Variants in NCALD observed in about 807,000 individuals in gnomAD.
The protein encoded by NCALD is neurocalcin delta.
NCALD carries 10 observed loss-of-function variants against 18.6 expected under a neutral mutation model. That is an observed-to-expected ratio of 0.54 (90% CI 0.33 to 0.91). NCALD has a LOEUF of 0.91. Among genes scored for constraint, NCALD ranks in the 40% least tolerant of loss-of-function variants. The probability of loss-of-function intolerance (pLI) is 0.03; values close to 1 mark genes in which losing one functional copy is unlikely to be tolerated. For missense variants in NCALD, 184 were observed against 247.6 expected, an observed-to-expected ratio of 0.74 and a Z score of 1.72; for synonymous variants, 88 against 87.4, an observed-to-expected ratio of 1.01 and a Z score of -0.04.
At chr8:101,726,153 C>T (rs1816564845) in intron 1 of NCALD, among the ~76,000 whole-genome samples, 1 of 152,154 alleles carries the variant, frequency 6.6e-6, no homozygotes, top group Non-Finnish European at 1.5e-5. Context: ...ATGACATCAG[C>T]ACCATCATGA....
chr8:101,794,736 A>G (rs976179048), upstream of NCALD, among the ~76,000 whole-genome samples: 2 of 152,208 alleles, frequency 1.3e-5, no homozygotes, highest in Non-Finnish European at 2.9e-5. Flanking sequence ...GAAGAAACTG[A>G]AGAGAGAGAT....
chr8:101,733,893 A>G (rs1816956246), intron 1 of NCALD, among the ~76,000 whole-genome samples: 1 of 152,160 alleles, frequency 6.6e-6, no homozygotes, highest in African/African-American at 2.4e-5. Context: ...CCCATTAGAG[A>G]AGCAGTTGAA....
chr8:101,804,282 T>A (rs1013350444), intron 4 of NCALD, among the ~76,000 whole-genome samples: 26 of 119,996 alleles, frequency 2.2e-4, no homozygotes, highest in Non-Finnish European at 3.6e-4. Context: ...AAATATATAC[T>A]ATTTATAACT....
chr8:101,926,777 T>C (rs1429466810), intron 2 of NCALD, among the ~76,000 whole-genome samples: 1 of 151,908 alleles, frequency 6.6e-6, no homozygotes, highest in Non-Finnish European at 1.5e-5. Context: ...CCAGGTAGGG[T>C]TAGGGTTAGG....
intron 2 of NCALD, among the ~76,000 whole-genome samples, chr8:102,016,320 C>T (rs1822082742): frequency 6.6e-6 from 1 of 152,132 alleles, no homozygotes; most frequent in African/African-American, 2.4e-5. Context: ...AGCCCCACTC[C>T]CAAGGCCCAG....
chr8:101,690,115 C>T (rs754271534), intron 3 of NCALD, among the ~76,000 whole-genome samples: 3 of 151,804 alleles, frequency 2.0e-5, no homozygotes, highest in Non-Finnish European at 2.9e-5. Flanking sequence ...GCTCCCACTC[C>T]GACCCCGGTG....
intron 2 of NCALD, among the ~76,000 whole-genome samples, chr8:102,004,005 CAT>C: frequency 6.6e-6 from 1 of 151,388 alleles, no homozygotes; most frequent in Non-Finnish European, 1.5e-5. Context: ...TCCTATTCAA[CAT>C]AGTGTTGGAA....
At chr8:102,083,502 G>T (rs1441770316) in intron 1 of NCALD, among the ~76,000 whole-genome samples, 1 of 152,136 alleles carries the variant, frequency 6.6e-6, no homozygotes, top group Non-Finnish European at 1.5e-5. Context: ...AGGCTAAAGG[G>T]TTCCTTTATT....
chr8:102,105,481 C>G (rs1414997751), intron 1 of NCALD, among the ~76,000 whole-genome samples: 1 of 152,134 alleles, frequency 6.6e-6, no homozygotes, highest in Non-Finnish European at 1.5e-5. Context: ...GTGAGCTGGA[C>G]TAATAGGAAT....
chr8:101,916,928 T>C (rs1817989178), intron 2 of NCALD, among the ~76,000 whole-genome samples: 1 of 151,890 alleles, frequency 6.6e-6, no homozygotes, highest in South Asian at 2.1e-4. Flanking sequence ...AACACCCCAT[T>C]GTCAGATCAT....
At chr8:101,928,088 C>CA (rs1818403992) in intron 2 of NCALD, among the ~76,000 whole-genome samples, 1 of 151,994 alleles carries the variant, frequency 6.6e-6, no homozygotes, top group African/African-American at 2.4e-5. Flanking sequence ...AATGATCCTG[C>CA]AAAAAAGCCT....
At chr8:101,703,524 C>CA (rs1021573924) in intron 2 of NCALD, among the ~76,000 whole-genome samples, 39 of 152,018 alleles carry the variant, frequency 2.6e-4, no homozygotes, top group Non-Finnish European at 5.3e-4. Flanking sequence ...ACCACAAACC[C>CA]AAAAAACAAT....
chr8:101,686,546 G>T lies in NCALD; in HGVS notation c.*2763C>A, dbSNP rs1814479375. 2 of 152,382 alleles carry T rather than the reference G, an allele frequency of 1.3e-5. No individual in the cohort carries two copies. The allele number at this position is 152,382 out of a possible 1,614,324, so 9.4% of individuals were successfully genotyped here. On this transcript the variant is annotated 3_prime_UTR_variant, in exon 4 of 4. Coordinates refer to ENST00000220931, the MANE Select transcript of NCALD (RefSeq NM_032041.3). ...GGCATGAAAATCTCATGAAAATCAT[G>T]TTAAACCAAAAACATGCTTTAATGC... is the stretch of plus-strand genomic sequence containing the variant.
At chr8:101,892,060 G>C (rs546938721) in intron 3 of NCALD, among the ~76,000 whole-genome samples, 31 of 152,118 alleles carry the variant, frequency 2.0e-4, no homozygotes, top group African/African-American at 7.2e-4. Context: ...TCTGGGGGCA[G>C]GGCACAGACA....
chr8:101,922,992 A>G (rs1246545040), intron 2 of NCALD, among the ~76,000 whole-genome samples: 1 of 151,990 alleles, frequency 6.6e-6, no homozygotes, highest in Non-Finnish European at 1.5e-5. Flanking sequence ...ACAAGGGGGG[A>G]CTACTGTAGT....
At chr8:101,701,344 AC>A (rs1266454391) in intron 2 of NCALD, among the ~76,000 whole-genome samples, 1 of 152,118 alleles carries the variant, frequency 6.6e-6, no homozygotes, top group Non-Finnish European at 1.5e-5. Context: ...CTACTTCCCT[AC>A]TTTATTTTTA....
chr8:101,997,229 A>C (rs2132008747), intron 2 of NCALD, among the ~76,000 whole-genome samples: 1 of 152,362 alleles, frequency 6.6e-6, no homozygotes, highest in East Asian at 1.9e-4. Flanking sequence ...GTTTTAACTT[A>C]ACATTTTGTG....
At chr8:101,759,021 C>T (rs1258843712) in intron 1 of NCALD, among the ~76,000 whole-genome samples, 3 of 152,160 alleles carry the variant, frequency 2.0e-5, no homozygotes, top group Admixed American at 6.5e-5. Flanking sequence ...CTTCATACAT[C>T]AATATTTTTA....
At chr8:101,759,436 T>G (rs574804502) in intron 1 of NCALD, among the ~76,000 whole-genome samples, 50 of 152,250 alleles carry the variant, frequency 3.3e-4, no homozygotes, top group Non-Finnish European at 1.2e-4. Flanking sequence ...GGATTGCTTT[T>G]AATATCTTGA....
Sources: allele counts gnomAD v4.1 joint callset (sites outside exome capture counted in the v4.1 genomes callset), GRCh38; gene constraint gnomAD v4.1.1; transcripts MANE v1.5; gene names NCBI Gene and HGNC (gene_info 2026-07-23, HGNC 2026-07-21).